MLLT3: variants seen among roughly 807,000 people sequenced by gnomAD.
MLLT3 encodes MLLT3 super elongation complex subunit.
In MLLT3, 4 loss-of-function variants were observed where a neutral mutation model predicts 53.2. The ratio of observed to expected loss-of-function variants is 0.08; its 90% CI spans 0.04 to 0.17. The LOEUF is 0.17. Ranked by LOEUF, MLLT3 falls within the 10% of genes least tolerant of loss-of-function variation. The pLI is 1.00. For synonymous variants in MLLT3, 283 were observed against 230.6 expected (o/e 1.23, Z -2.06); for missense variants, 569 against 684.0 (o/e 0.83, Z 1.87).
intron 2 of MLLT3, among the ~76,000 whole-genome samples, chr9:20,491,936 C>T (rs528333801): frequency 4.6e-5 from 7 of 151,964 alleles, no homozygotes; most frequent in Non-Finnish European, 8.8e-5. Context: ...TAAACCAACC[C>T]TGGAATTCCA....
intron 5 of MLLT3, among the ~76,000 whole-genome samples, chr9:20,410,161 C>G (rs1822689232): frequency 6.6e-6 from 1 of 151,970 alleles, no homozygotes; most frequent in South Asian, 2.1e-4. Flanking sequence ...AGACAAAACT[C>G]AAAACAAAGT....
At chr9:20,471,607 T>C (rs1031629085) in intron 2 of MLLT3, among the ~76,000 whole-genome samples, 2 of 152,218 alleles carry the variant, frequency 1.3e-5, no homozygotes, top group South Asian at 2.1e-4. Context: ...AATGAAAGCA[T>C]GGCTGTGCAA....
At chr9:20,597,367 T>TA (rs1197045313) in intron 2 of MLLT3, among the ~76,000 whole-genome samples, 2,410 of 143,430 alleles carry the variant, frequency 0.017, 66 homozygotes, top group African/African-American at 0.055. Context: ...CACAGTGACT[T>TA]AAAAAAAAAA....
intron 5 of MLLT3, among the ~76,000 whole-genome samples, chr9:20,400,888 T>C (rs1822438215): frequency 6.6e-6 from 1 of 152,170 alleles, no homozygotes; most frequent in African/African-American, 2.4e-5. Flanking sequence ...TTGATTTATA[T>C]CCTTTTGCAT....
intron 3 of MLLT3, among the ~76,000 whole-genome samples, chr9:20,450,091 CCT>C (rs1232357253): frequency 6.6e-6 from 1 of 152,310 alleles, no homozygotes; most frequent in East Asian, 1.9e-4. Context: ...TTTGTCCTAT[CCT>C]CTGTTATCTT....
At chr9:20,550,391 G>A (rs1818897389) in intron 2 of MLLT3, among the ~76,000 whole-genome samples, 1 of 152,154 alleles carries the variant, frequency 6.6e-6, no homozygotes, top group East Asian at 1.9e-4. Context: ...CTTGCACTTG[G>A]ATTTCTTCCT....
At chr9:20,594,340 C>A (rs1467444835) in intron 2 of MLLT3, among the ~76,000 whole-genome samples, 1 of 152,154 alleles carries the variant, frequency 6.6e-6, no homozygotes, top group African/African-American at 2.4e-5. Flanking sequence ...TGCTTTCTGA[C>A]TGAGCTCCTC....
chr9:20,430,309 GTC>G (rs1352417706), intron 4 of MLLT3, among the ~76,000 whole-genome samples: 1 of 152,020 alleles, frequency 6.6e-6, no homozygotes, highest in Non-Finnish European at 1.5e-5. Flanking sequence ...CTTACACTGA[GTC>G]TAAAATGTAT....
At chr9:20,398,559 C>T (rs1822378227) in intron 5 of MLLT3, among the ~76,000 whole-genome samples, 1 of 151,988 alleles carries the variant, frequency 6.6e-6, no homozygotes. Flanking sequence ...GGCATTTTAC[C>T]CGTTCCAATA....
In MLLT3 at chr9:20,390,823, T is replaced by C. The variant is rs535693651; in HGVS notation, c.1125+22898A>G. Among the ~76,000 whole-genome samples, 269 of 152,318 alleles carry C rather than the reference T, an allele frequency of 1.8e-3. 3 individuals are homozygous for C. The highest frequency in any genetic ancestry group is 5.9e-3 in the African/African-American group (244 of 41,580). On this transcript the variant is annotated intron_variant, in intron 5 of 10. Transcript: ENST00000380338. The stretch of plus-strand genomic sequence containing the variant: ...CAAATCAGATATCTTATAGATTAAA[T>C]TGAGGTGTGCCAGGCATGGTGGTGC...
At chr9:20,468,325 G>C (rs1401517664) in intron 2 of MLLT3, among the ~76,000 whole-genome samples, 1 of 151,880 alleles carries the variant, frequency 6.6e-6, no homozygotes, top group African/African-American at 2.4e-5. Context: ...TTTTATTTTT[G>C]CTGTCATAGC....
rs201200134 is a variant in MLLT3, at chr9:20,619,049, T to C, written c.193+1605A>G. Among the ~76,000 whole-genome samples the C allele has an allele frequency of 1.8e-4, 28 of 152,326 alleles. 1 individual carries two copies. The East Asian group carries it at 4.8e-3, about 26-fold the overall frequency. Reference sequence around the variant, plus strand: ...GTGGTTTCTTTTGTTTAAACTCCTCTGCTCTACAGACACATGGAAAGGGAG... The same window carrying C: ...GTGGTTTCTTTTGTTTAAACTCCTCCGCTCTACAGACACATGGAAAGGGAG... On this transcript the variant is annotated intron_variant, in intron 2 of 10. Coordinates refer to ENST00000380338, the MANE Select transcript of MLLT3 (RefSeq NM_004529.4).
chr9:20,591,198 TG>T (rs1193026162), intron 2 of MLLT3, among the ~76,000 whole-genome samples: 3 of 152,234 alleles, frequency 2.0e-5, no homozygotes, highest in African/African-American at 4.8e-5. Flanking sequence ...TTATTTAGTA[TG>T]TTTTTTTCTA....
At chr9:20,437,950 T>C (rs1361880753) in intron 4 of MLLT3, among the ~76,000 whole-genome samples, 1 of 152,230 alleles carries the variant, frequency 6.6e-6, no homozygotes, top group African/African-American at 2.4e-5. Context: ...CTTGGTCTCA[T>C]AGTCACTGGC....
intron 2 of MLLT3, among the ~76,000 whole-genome samples, chr9:20,559,972 G>A (rs1819158741): frequency 6.6e-6 from 1 of 152,140 alleles, no homozygotes; most frequent in South Asian, 2.1e-4. Flanking sequence ...TACATTCTCT[G>A]TGCCACTGGT....
intron 5 of MLLT3, among the ~76,000 whole-genome samples, chr9:20,372,383 C>T (rs1224021839): frequency 6.6e-6 from 1 of 151,922 alleles, no homozygotes; most frequent in African/African-American, 2.4e-5. Flanking sequence ...CAGCAAACTG[C>T]ATTGTCTTAT....
chr9:20,603,713 A>C (rs1489132124), intron 2 of MLLT3, among the ~76,000 whole-genome samples: 1 of 152,020 alleles, frequency 6.6e-6, no homozygotes. Flanking sequence ...GTTAGTACTC[A>C]TTGTGCCCTT....
intron 2 of MLLT3, among the ~76,000 whole-genome samples, chr9:20,572,234 T>C (rs1210781519): frequency 2.0e-5 from 3 of 152,104 alleles, no homozygotes; most frequent in Non-Finnish European, 4.4e-5. Context: ...TGGGGAGATG[T>C]TGGCCAAAGG....
At chr9:20,413,187 C>CA (rs1368952756) in intron 5 of MLLT3, among the ~76,000 whole-genome samples, 1 of 152,128 alleles carries the variant, frequency 6.6e-6, no homozygotes, top group Non-Finnish European at 1.5e-5. Context: ...TCAAATTATA[C>CA]ATTTTACATA....
Sources: allele counts gnomAD v4.1 joint callset (sites outside exome capture counted in the v4.1 genomes callset), GRCh38; gene constraint gnomAD v4.1.1; transcripts MANE v1.5; gene names NCBI Gene and HGNC (gene_info 2026-07-23, HGNC 2026-07-21).